The following KSR2 variants were observed in gnomAD, a reference collection of about 807,000 sequenced individuals.
KSR2 encodes the protein kinase suppressor of ras 2.
Under a neutral mutation model 107.8 loss-of-function variants are expected in KSR2, and 25 were observed. That is an observed-to-expected ratio of 0.23 (90% CI 0.17 to 0.32). The LOEUF (loss-of-function observed/expected upper bound fraction) is 0.32. Ranked by LOEUF, KSR2 falls within the 10% of genes least tolerant of loss-of-function variation. The probability of loss-of-function intolerance (pLI) is 1.00; values close to 1 mark genes in which losing one functional copy is unlikely to be tolerated. For synonymous variants in KSR2, 480 were observed against 507.0 expected (o/e 0.95, Z 0.71); for missense variants, 887 against 1,268.9 (o/e 0.70, Z 4.57).
chr12:117,496,559 G>T (rs1383044273), intron 14 of KSR2, among the ~76,000 whole-genome samples: 1 of 152,140 alleles, frequency 6.6e-6, no homozygotes, highest in African/African-American at 2.4e-5. Context: ...AATAGCTTTT[G>T]TTAAATGTAC....
chr12:117,533,025 G>T (rs2137262011), intron 10 of KSR2, among the ~76,000 whole-genome samples: 1 of 152,270 alleles, frequency 6.6e-6, no homozygotes, highest in Admixed American at 6.5e-5. Context: ...GAAGCTCCAA[G>T]TCTCACTGTC....
At chr12:117,803,863 G>T (rs933827662) in intron 3 of KSR2, among the ~76,000 whole-genome samples, 1 of 152,134 alleles carries the variant, frequency 6.6e-6, no homozygotes, top group Non-Finnish European at 1.5e-5. Context: ...GGGGCTCAGA[G>T]AGGTTAAGAT....
intron 1 of KSR2, among the ~76,000 whole-genome samples, chr12:117,924,572 C>CAAAAAAAAAAAAAAAAAAAAAAA (rs58789868): frequency 1.8e-4 from 7 of 39,506 alleles, no homozygotes; most frequent in African/African-American, 3.7e-4. Context: ...AGCTCCATCT[C>CAAAAAAAAAAAAAAAAAAAAAAA]AAAAAAAAAA....
intron 5 of KSR2, among the ~76,000 whole-genome samples, chr12:117,650,362 CTTGTGA>C (rs1273245288): frequency 6.6e-6 from 1 of 152,148 alleles, no homozygotes; most frequent in Non-Finnish European, 1.5e-5. Flanking sequence ...ATTGTGGGAC[CTTGTGA>C]TCGTGTAAGT....
rs757477806 is a variant in KSR2 at position 117,780,475 on chromosome 12, G to A, written c.473-18951C>T. ...TGCCAGACACAAAAGGACAAATAGT[G>A]TATATTTCCACTTACATAAGGTATC... On this transcript the variant is annotated intron_variant, in intron 3 of 19. Transcript: ENST00000339824. 2.6e-5 allele frequency among the ~76,000 whole-genome samples: 4 copies of A among 152,140 alleles called. No individual in the cohort carries two copies. In the South Asian group the frequency reaches 8.3e-4, roughly 32 times the overall value.
chr12:117,501,135 T>C (rs1873350515), intron 14 of KSR2, among the ~76,000 whole-genome samples: 1 of 152,188 alleles, frequency 6.6e-6, no homozygotes, highest in Admixed American at 6.5e-5. Flanking sequence ...AAAAGAAGAG[T>C]AATATCTTGT....
At chr12:117,750,008 G>T (rs1321240343) in intron 4 of KSR2, among the ~76,000 whole-genome samples, 1 of 152,128 alleles carries the variant, frequency 6.6e-6, no homozygotes, top group African/African-American at 2.4e-5. Flanking sequence ...AGCACTCTGG[G>T]AGGCTGAGGC....
chr12:117,755,527 C>T (rs569547972), intron 4 of KSR2, among the ~76,000 whole-genome samples: 5 of 152,142 alleles, frequency 3.3e-5, no homozygotes, highest in Admixed American at 6.5e-5. Context: ...TGAAATAAAT[C>T]GATCAATGTT....
intron 19 of KSR2, among the ~76,000 whole-genome samples, chr12:117,468,261 G>C (rs540644874): frequency 1.3e-5 from 2 of 152,208 alleles, no homozygotes; most frequent in African/African-American, 4.8e-5. Context: ...TGCTCTACAC[G>C]TGGCCACATG....
intron 4 of KSR2, among the ~76,000 whole-genome samples, chr12:117,701,734 AGAG>A (rs1235757848): frequency 6.6e-6 from 1 of 152,162 alleles, no homozygotes; most frequent in Non-Finnish European, 1.5e-5. Context: ...GACACAGAAC[AGAG>A]AAGAAGGCCT....
intron 14 of KSR2, among the ~76,000 whole-genome samples, chr12:117,485,929 A>G (rs985916987): frequency 6.6e-6 from 1 of 152,252 alleles, no homozygotes; most frequent in Non-Finnish European, 1.5e-5. Context: ...GGACACCCAC[A>G]GAATCTAGCC....
In KSR2 at chr12:117,753,182, G is replaced by C. The variant is rs189580142; in HGVS notation, c.986+7829C>G. ...AATCTATGTCAGTGTTTCTCAACCC[G>C]TTTTCTATTATGGCTCCTTTGGGAA... On this transcript the variant is annotated intron_variant, in intron 4 of 19. Coordinates refer to ENST00000339824, the MANE Select transcript of KSR2 (RefSeq NM_173598.6). 3.9e-5 allele frequency among the ~76,000 whole-genome samples: 6 copies of C among 152,280 alleles called. No homozygotes were observed. In the East Asian group the frequency reaches 1.2e-3, roughly 29 times the overall value.
At chr12:117,516,156 C>G (rs910903002) in intron 14 of KSR2, among the ~76,000 whole-genome samples, 8 of 152,198 alleles carry the variant, frequency 5.3e-5, no homozygotes, top group Non-Finnish European at 1.0e-4. Flanking sequence ...CAACCCTCCT[C>G]TTTTCCCCAG....
chr12:117,676,922 G>A (rs777466692), intron 4 of KSR2, among the ~76,000 whole-genome samples: 1 of 152,188 alleles, frequency 6.6e-6, no homozygotes, highest in Admixed American at 6.5e-5. Context: ...AATAGTGGAA[G>A]GGATAAATAA....
At chr12:117,913,704 C>T (rs571925188) in intron 1 of KSR2, among the ~76,000 whole-genome samples, 104 of 152,246 alleles carry the variant, frequency 6.8e-4, no homozygotes, top group Middle Eastern at 3.4e-3. Flanking sequence ...CTACAGCTTT[C>T]GGAGGAAGCA....
At chr12:117,473,980 G>A (rs1435738691) in intron 17 of KSR2, among the ~76,000 whole-genome samples, 1 of 152,186 alleles carries the variant, frequency 6.6e-6, no homozygotes, top group Non-Finnish European at 1.5e-5. Context: ...GCTTAACACA[G>A]TGCTCAATCC....
chr12:117,959,709 T>C (rs1217869494), intron 1 of KSR2, among the ~76,000 whole-genome samples: 1 of 152,266 alleles, frequency 6.6e-6, no homozygotes, highest in Middle Eastern at 3.4e-3. Context: ...GGCATGAGCA[T>C]CACTTGAGCC....
intron 3 of KSR2, among the ~76,000 whole-genome samples, chr12:117,831,672 T>C (rs983963197): frequency 1.3e-5 from 2 of 152,224 alleles, no homozygotes; most frequent in African/African-American, 4.8e-5. Context: ...TGCAAGACAT[T>C]GGACTTTGTA....
At chr12:117,723,678 C>A (rs1363910698) in intron 4 of KSR2, among the ~76,000 whole-genome samples, 1 of 151,624 alleles carries the variant, frequency 6.6e-6, no homozygotes, top group African/African-American at 2.4e-5. Context: ...CCTAAGTCAA[C>A]AGTATTGTAC....
Sources: allele counts gnomAD v4.1 joint callset (sites outside exome capture counted in the v4.1 genomes callset), GRCh38; gene constraint gnomAD v4.1.1; transcripts MANE v1.5; gene names NCBI Gene and HGNC (gene_info 2026-07-23, HGNC 2026-07-21).